The following ANO7 variants were observed in gnomAD, a reference collection of about 807,000 sequenced individuals.
ANO7 encodes anoctamin-7.
In ANO7, 114 loss-of-function variants were observed where a neutral mutation model predicts 115.8. That is an observed-to-expected ratio of 0.98 (90% CI 0.85 to 1.15). The LOEUF is 1.15. ANO7 is among the 50% of genes most tolerant of loss of function. ANO7 has a pLI of 0.00. For synonymous variants in ANO7, 550 were observed against 498.2 expected (o/e 1.10, Z -1.38); for missense variants, 1,302 against 1,201.2 (o/e 1.08, Z -1.24).
chr2:241,204,737 ACATAGGGCCCCAGCC>A, intron 9 of ANO7, 113 bp from the exon 10 acceptor site: 1 of 660,474 alleles, frequency 1.5e-6, no homozygotes, highest in Non-Finnish European at 2.6e-6. Flanking sequence ...TGGCCTCCTC[ACATAGGGCCCCAGCC>A]CCCAAGCTGG....
chr2:241,214,451 C>A (rs747848671), intron 17 of ANO7, among the ~76,000 whole-genome samples: 1 of 152,206 alleles, frequency 6.6e-6, no homozygotes, highest in East Asian at 1.9e-4. Context: ...CCCACTGGCT[C>A]GAACTGGGTC....
chr2:241,215,774 T>G (rs1463166944), intron 18 of ANO7, among the ~76,000 whole-genome samples: 1 of 152,224 alleles, frequency 6.6e-6, no homozygotes, highest in Non-Finnish European at 1.5e-5. Context: ...CCTCCCAACC[T>G]TGGCAGAGCT....
chr2:241,210,400 C>T lies in ANO7; in HGVS notation c.1458+7C>T. 1.2e-6 allele frequency: 2 copies of T among 1,614,012 alleles called. No individual in the cohort carries two copies. Among genetic ancestry groups the T allele is most frequent in the Non-Finnish European group, 1.7e-6 (2 of 1,179,992 alleles). On this transcript the variant is annotated splice_region_variant and intron_variant, in intron 14 of 24. Coordinates refer to ENST00000674324, the MANE Select transcript of ANO7 (RefSeq NM_001370694.2). Reference sequence around the variant, plus strand: ...CACCCTTCTCGCAGCCTGGGTGAGCCTCTGCTGCCTGCCTCGGGGGGCCCT... The same window carrying T: ...CACCCTTCTCGCAGCCTGGGTGAGCTTCTGCTGCCTGCCTCGGGGGGCCCT...
intron 21 of ANO7, among the ~76,000 whole-genome samples, chr2:241,220,345 T>C (rs551880946): frequency 1.1e-3 from 167 of 152,288 alleles, no homozygotes; most frequent in Non-Finnish European, 1.7e-3. Context: ...TCTCAGTTCT[T>C]TGGAAATATT....
chr2:241,235,688 C>T, the ANO7 span: 1 of 814,956 alleles, frequency 1.2e-6, no homozygotes, highest in South Asian at 1.5e-5. Context: ...ACAAGGCAAA[C>T]AGCCCTATGA....
At chr2:241,212,063 A>G in intron 15 of ANO7, 31 bp from the exon 16 acceptor site, 1 of 1,600,236 alleles carries the variant, frequency 6.2e-7, no homozygotes, top group African/African-American at 1.3e-5. Context: ...TGACTCCCCC[A>G]GGGACTGAGC....
intron 13 of ANO7, among the ~76,000 whole-genome samples, chr2:241,209,943 T>C (rs928084988): frequency 6.6e-6 from 1 of 152,162 alleles, no homozygotes; most frequent in Non-Finnish European, 1.5e-5. Flanking sequence ...CACTGCACCC[T>C]GTCTTGCCTT....
At chr2:241,234,657 G>A in the ANO7 span, among the ~76,000 whole-genome samples, 4 of 152,186 alleles carry the variant, frequency 2.6e-5, no homozygotes, top group South Asian at 2.1e-4. Flanking sequence ...CGTCTGCAGC[G>A]CTCCGCTCAT....
At chr2:241,189,025 C>T (rs2068123615) in intron 1 of ANO7, among the ~76,000 whole-genome samples, 1 of 152,206 alleles carries the variant, frequency 6.6e-6, no homozygotes, top group Non-Finnish European at 1.5e-5. Context: ...CAGGTCCCTT[C>T]GTTGGGGTGG....
chr2:241,212,896 G>A, intron 17 of ANO7: 2 of 453,922 alleles, frequency 4.4e-6, no homozygotes, highest in Non-Finnish European at 8.0e-6. Flanking sequence ...ACTTAGGGAG[G>A]CTGAGGGAGG....
chr2:241,233,781 G>C, the ANO7 span: 20 of 1,612,016 alleles, frequency 1.2e-5, no homozygotes, highest in Non-Finnish European at 1.5e-5. The surrounding 1 kb of genome is among the most constrained non-coding windows in gnomAD (Gnocchi z 4.3). Flanking sequence ...AGGTCAACAA[G>C]CACCTCTGCC....
the ANO7 span, chr2:241,240,116 T>C: frequency 6.2e-7 from 1 of 1,614,180 alleles, no homozygotes; most frequent in Non-Finnish European, 8.5e-7. This position sits in a 1 kb window ranked among gnomAD's most constrained non-coding sequence, Gnocchi z 5.5. Flanking sequence ...GTGAAACTCT[T>C]GGTTTGCTGC....
At position 241,224,119 on chromosome 2, in the gene ANO7, T is replaced by C. The variant is rs1039472608; in HGVS notation, c.2606T>C (p.Phe869Ser). The change falls in exon 25 of 25, where the codon TTC (phenylalanine) becomes TCC (serine). Residue 869 changes from phenylalanine (F) to serine (S), a missense_variant. Transcript: ENST00000674324. ...GSELSSHWTP[F>S]TVPKASQLQQ ...CAGCTCAGCTCCCACTGGACACCCT[T>C]CACGGTTCCCAAGGCCAGCCAGCTG... 1.8e-5 allele frequency: 29 copies of C among 1,613,906 alleles called. No homozygotes were observed. Among genetic ancestry groups the C allele is most frequent in the Non-Finnish European group, 1.9e-5 (23 of 1,180,020 alleles).
chr2:241,229,537 G>A (rs749765552), downstream of ANO7: 189 of 1,234,896 alleles, frequency 1.5e-4, no homozygotes, highest in Admixed American at 2.7e-4. Flanking sequence ...GTCAGATTGA[G>A]ACAAACCATT....
intron 15 of ANO7, among the ~76,000 whole-genome samples, chr2:241,211,565 GT>G (rs2068720551): frequency 6.6e-6 from 1 of 152,200 alleles, no homozygotes; most frequent in Non-Finnish European, 1.5e-5. Flanking sequence ...CTCCTGGTGG[GT>G]GGCCAGGGGA....
the ANO7 span, chr2:241,236,399 C>T: frequency 2.9e-5 from 17 of 583,628 alleles, no homozygotes; most frequent in East Asian, 4.6e-4. Context: ...CAGAAAGGGG[C>T]TATAGAACCC....
intron 13 of ANO7, 69 bp from the exon 14 acceptor site, chr2:241,210,226 C>G: frequency 6.8e-7 from 1 of 1,479,934 alleles, no homozygotes; most frequent in Non-Finnish European, 9.4e-7. Flanking sequence ...CTGTCGGGGG[C>G]CATGGCCTGA....
intron 2 of ANO7, 28 bp from the exon 3 acceptor site, chr2:241,191,166 A>G: frequency 6.2e-7 from 1 of 1,613,538 alleles, no homozygotes; most frequent in Non-Finnish European, 8.5e-7. Context: ...TGATGCTGAT[A>G]TGCTTCTCCA....
rs773872093 is a variant in ANO7 at position 241,203,402 on chromosome 2, C to G, written c.793C>G (p.His265Asp). Residue 265 changes from histidine (H) to aspartate (D), a missense_variant, in exon 9 of 25, where the codon CAC (histidine) becomes GAC (aspartate). His to Asp is a moderately conservative substitution (Grantham distance 81). Coordinates refer to ENST00000674324, the MANE Select transcript of ANO7 (RefSeq NM_001370694.2). The surrounding 1 kb of genome is among the most constrained non-coding windows in gnomAD (Gnocchi z 4.8). ...CAACCAGCGCCAAGTCCTTTTCCAG[C>G]ACTGGGCGCGCTGGGGCAAGTGGAA... ...RLNQRQVLFQ[H>D]WARWGKWNKY... 1.9e-6 allele frequency: 3 copies of G among 1,599,446 alleles called. No homozygotes were observed. The East Asian group carries it at 6.9e-5, about 37-fold the overall frequency.
Sources: allele counts gnomAD v4.1 joint callset (sites outside exome capture counted in the v4.1 genomes callset), GRCh38; gene constraint gnomAD v4.1.1; non-coding constraint Gnocchi (gnomAD v3.1); transcripts MANE v1.5; gene names NCBI Gene and HGNC (gene_info 2026-07-23, HGNC 2026-07-21).